The following CCDC178 variants were observed in gnomAD, a reference collection of about 807,000 sequenced individuals.
CCDC178 encodes coiled-coil domain containing 178.
Under a neutral mutation model 117.4 loss-of-function variants are expected in CCDC178, and 126 were observed. The observed-to-expected ratio is 1.07, with a 90% confidence interval of 0.93 to 1.24. The LOEUF is 1.24. Ranked by LOEUF, CCDC178 falls within the 50% of genes most tolerant of loss-of-function variation. The pLI, the probability that CCDC178 is intolerant of heterozygous loss-of-function variation, is 0.00. For synonymous variants in CCDC178, 283 were observed against 313.4 expected, an observed-to-expected ratio of 0.90 and a Z score of 1.02; for missense variants, 1,030 against 986.9, an observed-to-expected ratio of 1.04 and a Z score of -0.59.
At chr18:33,278,885 G>A (rs973664418) in intron 12 of CCDC178, among the ~76,000 whole-genome samples, 20 of 152,212 alleles carry the variant, frequency 1.3e-4, no homozygotes, top group African/African-American at 3.9e-4. Context: ...TGCAGAAAAG[G>A]CCTTTGACAA....
intron 21 of CCDC178, among the ~76,000 whole-genome samples, chr18:33,077,332 T>G (rs2145019459): frequency 6.6e-6 from 1 of 152,220 alleles, no homozygotes; most frequent in African/African-American, 2.4e-5. Context: ...TAGTATTCCC[T>G]TTTATCCCAA....
rs545486175 is a variant in CCDC178, at chr18:33,031,189, G to A, written c.2389-56508C>T. On this transcript the variant is annotated intron_variant, in intron 21 of 22. Transcript: ENST00000383096. ...TCCTTTTACTTAAGTGAATATTTTC[G>A]AGTGTGCAATTTTAACTCCTTTAAT... Among the ~76,000 whole-genome samples, 19 of 149,610 alleles carry A rather than the reference G, an allele frequency of 1.3e-4. No individual in the cohort carries two copies. In the South Asian group the frequency reaches 4.0e-3, roughly 31 times the overall value.
At chr18:32,981,342 G>GA (rs1246370663) in intron 21 of CCDC178, among the ~76,000 whole-genome samples, 2 of 152,174 alleles carry the variant, frequency 1.3e-5, no homozygotes, top group African/African-American at 4.8e-5. Context: ...TAACCACGAG[G>GA]AAGGAGGGGA....
intron 5 of CCDC178, among the ~76,000 whole-genome samples, chr18:33,376,431 T>C (rs2063367605): frequency 6.6e-6 from 1 of 152,216 alleles, no homozygotes; most frequent in Non-Finnish European, 1.5e-5. Context: ...GTTTGGATTC[T>C]TGTTTTCCTT....
At chr18:33,335,064 A>G (rs1429681348) in intron 9 of CCDC178, among the ~76,000 whole-genome samples, 2 of 151,958 alleles carry the variant, frequency 1.3e-5, no homozygotes, top group Non-Finnish European at 2.9e-5. Flanking sequence ...CATTGGTTTT[A>G]CATTATGCTC....
At chr18:33,255,328 G>A (rs1291076157) in intron 14 of CCDC178, among the ~76,000 whole-genome samples, 2 of 152,040 alleles carry the variant, frequency 1.3e-5, no homozygotes, top group African/African-American at 4.8e-5. Flanking sequence ...TAAGAGATGA[G>A]TTTTAAGTTG....
chr18:32,994,136 T>C (rs1401615381), intron 21 of CCDC178, among the ~76,000 whole-genome samples: 2 of 152,088 alleles, frequency 1.3e-5, no homozygotes, highest in African/African-American at 4.8e-5. Context: ...GAGTTACCCA[T>C]GAATCTTTCC....
intron 12 of CCDC178, among the ~76,000 whole-genome samples, chr18:33,271,722 A>G (rs2059892826): frequency 6.6e-6 from 1 of 151,498 alleles, no homozygotes; most frequent in Non-Finnish European, 1.5e-5. Flanking sequence ...TTCTCCAGCC[A>G]TATTGGAATG....
At chr18:33,411,092 A>G (rs2063844585) in intron 3 of CCDC178, among the ~76,000 whole-genome samples, 1 of 152,188 alleles carries the variant, frequency 6.6e-6, no homozygotes, top group Non-Finnish European at 1.5e-5. Context: ...ACCTGATATC[A>G]GCAGAACCAT....
chr18:33,383,010 G>A (rs1426751216), intron 5 of CCDC178, among the ~76,000 whole-genome samples: 4 of 152,138 alleles, frequency 2.6e-5, no homozygotes, highest in South Asian at 2.1e-4. Context: ...AGGGGATAGC[G>A]GGGAGGGATG....
At chr18:33,168,277 G>T (rs1050599669) in intron 20 of CCDC178, among the ~76,000 whole-genome samples, 2 of 152,018 alleles carry the variant, frequency 1.3e-5, no homozygotes, top group African/African-American at 4.8e-5. Flanking sequence ...GTAAGGAAGG[G>T]GTCCAGTTTT....
intron 11 of CCDC178, among the ~76,000 whole-genome samples, chr18:33,304,032 C>A (rs1031120832): frequency 3.9e-5 from 6 of 152,042 alleles, no homozygotes; most frequent in Non-Finnish European, 5.9e-5. Context: ...AACAATCAGT[C>A]ATCAGCTAGG....
chr18:33,431,029 C>T (rs1295157643), intron 2 of CCDC178, among the ~76,000 whole-genome samples: 1 of 148,496 alleles, frequency 6.7e-6, no homozygotes, highest in South Asian at 2.1e-4. Context: ...GAGCCGAGAT[C>T]GCGCCACTGC....
chr18:33,372,726 T>A (rs1267575860), intron 5 of CCDC178, among the ~76,000 whole-genome samples: 1 of 152,150 alleles, frequency 6.6e-6, no homozygotes, highest in Non-Finnish European at 1.5e-5. Context: ...TAGTTGTTTG[T>A]GTGGGCAAAT....
chr18:33,023,341 A>G (rs1746177324), intron 21 of CCDC178, among the ~76,000 whole-genome samples: 1 of 152,182 alleles, frequency 6.6e-6, no homozygotes, highest in African/African-American at 2.4e-5. Flanking sequence ...ACCATAAAAC[A>G]AATATTAACA....
chr18:33,438,746 C>G (rs2064329952), intron 2 of CCDC178, among the ~76,000 whole-genome samples: 1 of 152,126 alleles, frequency 6.6e-6, no homozygotes, highest in African/African-American at 2.4e-5. Context: ...TCTTCGTCTA[C>G]TTTAAATATT....
intron 2 of CCDC178, among the ~76,000 whole-genome samples, chr18:33,420,366 A>T (rs925427306): frequency 2.6e-4 from 40 of 151,832 alleles, no homozygotes; most frequent in African/African-American, 7.2e-4. Flanking sequence ...TATTATTATT[A>T]TTTTTTTTAC....
intron 21 of CCDC178, among the ~76,000 whole-genome samples, chr18:33,018,442 A>G (rs1001452884): frequency 2.0e-5 from 3 of 152,084 alleles, no homozygotes; most frequent in Non-Finnish European, 4.4e-5. Flanking sequence ...GTGTAAAGGT[A>G]TGTCCACCCA....
At chr18:33,326,730 T>C (rs1348295106) in intron 10 of CCDC178, among the ~76,000 whole-genome samples, 1 of 151,946 alleles carries the variant, frequency 6.6e-6, no homozygotes, top group African/African-American at 2.4e-5. Context: ...TGCTAACTTA[T>C]ATTGCATACC....
Sources: allele counts gnomAD v4.1 joint callset (sites outside exome capture counted in the v4.1 genomes callset), GRCh38; gene constraint gnomAD v4.1.1; transcripts MANE v1.5; gene names NCBI Gene and HGNC (gene_info 2026-07-23, HGNC 2026-07-21).